The following AMPD1 variants were observed in gnomAD, a reference collection of about 807,000 sequenced individuals.
The protein encoded by AMPD1 is AMP deaminase 1.
Under a neutral mutation model 82.9 loss-of-function variants are expected in AMPD1, and 74 were observed. The ratio of observed to expected loss-of-function variants is 0.89; its 90% CI spans 0.74 to 1.08. AMPD1 has a LOEUF of 1.08. Among genes scored for constraint, AMPD1 ranks in the 50% least tolerant of loss-of-function variants. The pLI, the probability that AMPD1 is intolerant of heterozygous loss-of-function variation, is 0.00. For missense variants in AMPD1, 881 were observed against 924.5 expected, an observed-to-expected ratio of 0.95 and a Z score of 0.61; for synonymous variants, 333 against 320.5, an observed-to-expected ratio of 1.04 and a Z score of -0.42.
chr1:114,683,678 A>G (rs1486470495), intron 5 of AMPD1, among the ~76,000 whole-genome samples: 1 of 152,168 alleles, frequency 6.6e-6, no homozygotes, highest in African/African-American at 2.4e-5. Flanking sequence ...CAGATGTTGC[A>G]GTGAGCCGAG....
intron 5 of AMPD1, 61 bp downstream of exon 5, chr1:114,684,138 A>C: frequency 6.6e-7 from 1 of 1,515,576 alleles, no homozygotes; most frequent in South Asian, 1.2e-5. Flanking sequence ...GCATATTTTA[A>C]ATTTAATATT....
intron 5 of AMPD1, among the ~76,000 whole-genome samples, chr1:114,683,451 A>G (rs184819473): frequency 6.6e-6 from 1 of 152,086 alleles, no homozygotes; most frequent in Admixed American, 6.6e-5. Flanking sequence ...TCAAAAATAA[A>G]CAGGCCGGGT....
chr1:114,684,224 C>T lies in AMPD1; in HGVS notation c.522G>A (p.Trp174Ter). Reference protein sequence around the residue: ...KYLRNIDGEAWVANESFYPVF... With the variant: ...KYLRNIDGEA ...CTGGATAGAAGCTCTCATTTGCTAC[C>T]CAAGCCTCACCATCAATGTTCCGCA... The change falls in exon 5 of 16, where the codon TGG becomes TGA. Residue 174 changes from tryptophan to a stop codon, truncating the protein, a stop_gained. Transcript: ENST00000520113. LOFTEE classifies it high-confidence loss of function. 1 of 1,613,974 alleles carries T rather than the reference C, an allele frequency of 6.2e-7. No individual in the cohort carries two copies. The highest frequency in any genetic ancestry group is 8.5e-7 in the Non-Finnish European group (1 of 1,180,006).
chr1:114,689,583 G>C lies in AMPD1; in HGVS notation c.35-842C>G, dbSNP rs549163203. On this transcript the variant is annotated intron_variant, in intron 2 of 15. Coordinates refer to ENST00000520113, the MANE Select transcript of AMPD1 (RefSeq NM_000036.3). ...TGTGATCCCAGCGCTTTGGGAGGGT[G>C]AGGAGAGTGGATCCCTTGATGGCAG... Among the ~76,000 whole-genome samples, 4 of 152,308 alleles carry C rather than the reference G, an allele frequency of 2.6e-5. No homozygotes were observed. In the South Asian group the frequency reaches 8.3e-4, roughly 32 times the overall value.
chr1:114,675,384 A>C (rs1657950228), intron 12 of AMPD1, 146 bp downstream of exon 12: 3 of 871,858 alleles, frequency 3.4e-6, no homozygotes, highest in South Asian at 2.9e-5. Context: ...AAACTGAAGA[A>C]AAAAGTTAAG....
At position 114,680,252 on chromosome 1, in the gene AMPD1, CACTT is replaced by C. The variant is rs749694988; in HGVS notation, c.767+3_767+6del. 53 of 1,612,436 alleles carry C rather than the reference CACTT, an allele frequency of 3.3e-5. No individual in the cohort carries two copies. The highest frequency in any genetic ancestry group is 5.0e-5 in the Admixed American group (3 of 60,004). ...TTGTTGTTGTTTAGGTCTCACTAAACACTTACACAGGTCCTTGAGCAATTAAAGC... is the reference window on the plus strand; with the variant it reads ...TTGTTGTTGTTTAGGTCTCACTAAACACACAGGTCCTTGAGCAATTAAAGC... On this transcript the variant is annotated splice_donor_5th_base_variant and intron_variant, in intron 6 of 15. Coordinates refer to ENST00000520113, the MANE Select transcript of AMPD1 (RefSeq NM_000036.3).
At chr1:114,683,525 C>A (rs1463969352) in intron 5 of AMPD1, among the ~76,000 whole-genome samples, 9 of 152,098 alleles carry the variant, frequency 5.9e-5, no homozygotes, top group Admixed American at 5.9e-4. Flanking sequence ...CGCTTGAGGC[C>A]AGGAGTTCAA....
intron 3 of AMPD1, among the ~76,000 whole-genome samples, chr1:114,687,666 C>A (rs145668341): frequency 6.6e-6 from 1 of 151,938 alleles, no homozygotes; most frequent in Non-Finnish European, 1.5e-5. Flanking sequence ...GTAGTGAATC[C>A]TAGAGTGGTT....
At chr1:114,676,048 A>G (rs1657972447) in intron 10 of AMPD1, 45 bp from the exon 11 acceptor site, 4 of 1,604,828 alleles carry the variant, frequency 2.5e-6, no homozygotes, top group Non-Finnish European at 3.4e-6. Flanking sequence ...AAAGATTTTT[A>G]GGACTGATAG....
chr1:114,692,714 A>G (rs924151200), intron 2 of AMPD1, among the ~76,000 whole-genome samples: 2 of 151,414 alleles, frequency 1.3e-5, no homozygotes, highest in African/African-American at 4.9e-5. Context: ...AATAAATAAA[A>G]TAGGTTTTTA....
chr1:114,688,517 T>A (rs1557973849), intron 3 of AMPD1, 44 bp downstream of exon 3: 1 of 1,601,866 alleles, frequency 6.2e-7, no homozygotes, highest in Non-Finnish European at 8.6e-7. Context: ...CAGATACCCC[T>A]CCTTAGGTGC....
At chr1:114,676,152 G>T in intron 10 of AMPD1, 149 bp from the exon 11 acceptor site, 2 of 1,013,584 alleles carry the variant, frequency 2.0e-6, no homozygotes, top group Non-Finnish European at 1.5e-6. Flanking sequence ...CATTCTTTTT[G>T]GTCCCCTATA....
At position 114,674,097 on chromosome 1, in the gene AMPD1, T is replaced by TA; in HGVS notation, c.1801-16dup. The TA allele has an allele frequency of 6.2e-7, 1 of 1,608,814 alleles. No homozygotes were observed. Among genetic ancestry groups the TA allele is most frequent in the Non-Finnish European group, 8.5e-7 (1 of 1,175,638 alleles). ...AGCACGGGACTCTGAAAAAGAAAAG[T>TA]AAAAAAATATTTAAAGATGTTGAAA... On this transcript the variant is annotated splice_polypyrimidine_tract_variant and intron_variant, in intron 13 of 15. Coordinates refer to ENST00000520113, the MANE Select transcript of AMPD1 (RefSeq NM_000036.3).
intron 3 of AMPD1, 81 bp from the exon 4 acceptor site, chr1:114,686,991 A>G (rs1287396863): frequency 1.4e-6 from 2 of 1,453,448 alleles, no homozygotes; most frequent in Non-Finnish European, 1.9e-6. Context: ...TTCTCTATAC[A>G]ATTTTATTCT....
rs763275867 is a variant in AMPD1 at position 114,678,363 on chromosome 1, G to T, written c.1062C>A (p.Asp354Glu). ...GAACATCCAGAGAATCAACAGTCAG[G>T]TCATAAGGATGCATTTTTAATTTAG... ...LFAKLKMHPY[D>E]LTVDSLDVHA... Residue 354 changes from aspartate to glutamate, a missense_variant, in exon 8 of 16, where the codon GAC becomes GAA. Asp to Glu is a conservative substitution (Grantham distance 45). Coordinates refer to ENST00000520113, the MANE Select transcript of AMPD1 (RefSeq NM_000036.3). 2 of 1,614,150 alleles carry T rather than the reference G, an allele frequency of 1.2e-6. No individual in the cohort carries two copies. Among genetic ancestry groups the T allele is most frequent in the Non-Finnish European group, 1.7e-6 (2 of 1,180,032 alleles).
chr1:114,686,001 GT>G (rs2101721708), intron 4 of AMPD1, among the ~76,000 whole-genome samples: 1 of 152,266 alleles, frequency 6.6e-6, no homozygotes, highest in South Asian at 2.1e-4. Flanking sequence ...CTGCACAGCA[GT>G]TTCACCAATA....
rs754536586 is a variant in AMPD1, at chr1:114,695,439, T to G, written c.22+11A>C. 1.2e-6 allele frequency: 2 copies of G among 1,613,246 alleles called. No homozygotes were observed. Among genetic ancestry groups the G allele is most frequent in the Middle Eastern group, 1.7e-4 (1 of 6,056 alleles). On this transcript the variant is annotated intron_variant, in intron 1 of 15. Transcript: ENST00000520113. ...CAACAACTGAGCTCTCCAAACACTTTGTACACCTACCTGGGAGTTTGAACA... is the reference window on the plus strand; with the variant it reads ...CAACAACTGAGCTCTCCAAACACTTGGTACACCTACCTGGGAGTTTGAACA...
At chr1:114,687,013 G>T in intron 3 of AMPD1, 103 bp from the exon 4 acceptor site, 2 of 1,309,904 alleles carry the variant, frequency 1.5e-6, no homozygotes, top group Non-Finnish European at 2.2e-6. Context: ...AGGACAAAAA[G>T]TAAAAATTAA....
chr1:114,673,928 A>G lies in AMPD1; in HGVS notation c.1955T>C (p.Met652Thr), dbSNP rs769163078. 2 of 1,614,112 alleles carry G rather than the reference A, an allele frequency of 1.2e-6. No homozygotes were observed. Among genetic ancestry groups the G allele is most frequent in the Admixed American group, 3.3e-5 (2 of 60,028 alleles). Reference sequence around the variant, plus strand: ...CTATACCTTGGTAAAGTGGAATTGCATTGGGTCATCTGTAGACAGTGAGAT... The same window carrying G: ...CTATACCTTGGTAAAGTGGAATTGCGTTGGGTCATCTGTAGACAGTGAGAT... ...LMISLSTDDP[M>T]QFHFTKEPLM... The change falls in exon 14 of 16, where the codon ATG becomes ACG. Residue 652 changes from methionine (M) to threonine (T), a missense_variant. Met to Thr is a moderately conservative substitution (Grantham distance 81). Around this residue, in one of 2 missense-constraint regions of AMPD1, gnomAD observed 98 missense variants for 138.1 expected, o/e 0.71. Transcript: ENST00000520113.
Sources: gnomAD v4.1 joint callset for allele counts (sites outside exome capture counted in the v4.1 genomes callset) on GRCh38, gnomAD v4.1.1 for gene constraint, gnomAD v4.1.1 regional missense constraint, MANE v1.5 for transcripts, NCBI Gene and HGNC (gene_info 2026-07-23, HGNC 2026-07-21) for gene names.